The following HORMAD2 variants were observed in gnomAD, a reference collection of about 807,000 sequenced individuals.
HORMAD2 encodes the protein HORMA domain-containing protein 2.
In HORMAD2, 45 loss-of-function variants were observed where a neutral mutation model predicts 38.8. The ratio of observed to expected loss-of-function variants is 1.16; its 90% CI spans 0.91 to 1.49. The LOEUF (loss-of-function observed/expected upper bound fraction) is 1.49, where lower values mean the gene tolerates loss of function less well. Ranked by LOEUF, HORMAD2 falls within the 40% of genes most tolerant of loss-of-function variation. HORMAD2 has a pLI of 0.00. For synonymous variants in HORMAD2, 126 were observed against 122.8 expected (o/e 1.03, Z -0.17); for missense variants, 338 against 367.0 (o/e 0.92, Z 0.65).
chr22:30,103,419 G>A lies in HORMAD2; in HGVS notation c.194-18G>A, dbSNP rs747122577. 2.9e-5 allele frequency: 42 copies of A among 1,461,842 alleles called. No homozygotes were observed. Among genetic ancestry groups the A allele is most frequent in the Non-Finnish European group, 3.7e-5 (39 of 1,065,666 alleles). 90.6% of individuals were successfully genotyped at this position (1,461,842 alleles called of 1,614,324 possible). On this transcript the variant is annotated intron_variant, in intron 3 of 10. Transcript: ENST00000336726. ...GTCATTTAGTAGATAAAAATAGACT[G>A]TGTTTCTGTTTTTGTAGACCTCAGT...
At chr22:30,097,718 C>G (rs2068807739) in intron 2 of HORMAD2, among the ~76,000 whole-genome samples, 1 of 152,032 alleles carries the variant, frequency 6.6e-6, no homozygotes, top group Non-Finnish European at 1.5e-5. Context: ...TTCTGAAATC[C>G]CACTCTAAGG....
chr22:30,086,206 C>T (rs2068568833), intron 1 of HORMAD2, among the ~76,000 whole-genome samples: 1 of 152,172 alleles, frequency 6.6e-6, no homozygotes, highest in Non-Finnish European at 1.5e-5. Flanking sequence ...CCTTCCCCTT[C>T]TGCCATGGTT....
intron 10 of HORMAD2, chr22:30,137,176 G>T: frequency 1.8e-6 from 1 of 554,630 alleles, no homozygotes; most frequent in Non-Finnish European, 3.4e-6. Flanking sequence ...AAATTAATCA[G>T]GCATTTTTGC....
the HORMAD2 span, among the ~76,000 whole-genome samples, chr22:30,194,668 T>C: frequency 1.3e-5 from 2 of 151,976 alleles, no homozygotes. Context: ...GTAGAAGAGG[T>C]GATATATAAT....
At chr22:30,135,409 A>G (rs1001094146) in intron 10 of HORMAD2, among the ~76,000 whole-genome samples, 2 of 151,814 alleles carry the variant, frequency 1.3e-5, no homozygotes, top group Non-Finnish European at 2.9e-5. Flanking sequence ...AGAGAACCCA[A>G]GCAGAGCATG....
intron 10 of HORMAD2, among the ~76,000 whole-genome samples, chr22:30,138,505 A>G (rs1923827820): frequency 6.6e-6 from 1 of 152,022 alleles, no homozygotes; most frequent in South Asian, 2.1e-4. Flanking sequence ...TTGTCCTTTT[A>G]TTACTGAGGT....
At chr22:30,112,719 AT>A (rs2146111413) in intron 7 of HORMAD2, among the ~76,000 whole-genome samples, 197 bp downstream of exon 7, 1 of 152,202 alleles carries the variant, frequency 6.6e-6, no homozygotes, top group East Asian at 1.9e-4. Context: ...ATGTAAGGGT[AT>A]TGGGGAAAAA....
chr22:30,122,186 G>T lies in HORMAD2; in HGVS notation c.791G>T (p.Cys264Phe), dbSNP rs766750542. 1 of 1,612,498 alleles carries T rather than the reference G, an allele frequency of 6.2e-7. No homozygotes were observed. Among genetic ancestry groups the T allele is most frequent in the African/African-American group, 1.3e-5 (1 of 74,870 alleles). Residue 264 changes from cysteine (C) to phenylalanine (F), a missense_variant, in exon 10 of 11, where the codon TGT (cysteine) becomes TTT (phenylalanine). Transcript: ENST00000336726. ...GAGATCGCCCATCAGGGTCTAGACT[G>T]TGATGAGGAAGAAGAATGCAATGAC... The part of the protein sequence containing the change: ...TTEIAHQGLD[C>F]DEEEECNDHI...
the HORMAD2 span, among the ~76,000 whole-genome samples, chr22:30,204,188 C>T: frequency 6.6e-6 from 1 of 152,146 alleles, no homozygotes; most frequent in African/African-American, 2.4e-5. Flanking sequence ...TGGCACCCAG[C>T]TTGACAGACA....
intron 7 of HORMAD2, among the ~76,000 whole-genome samples, chr22:30,118,311 C>G (rs1922199471): frequency 6.6e-6 from 1 of 152,088 alleles, no homozygotes; most frequent in South Asian, 2.1e-4. Flanking sequence ...ACTTCAGAGC[C>G]TTTGCATTGC....
At chr22:30,192,030 A>G in the HORMAD2 span, 1 of 152,258 alleles carries the variant, frequency 6.6e-6, no homozygotes, top group Non-Finnish European at 1.5e-5. Context: ...AGAAGACCAC[A>G]TCATCTAGCC....
chr22:30,088,167 A>G (rs537414519), intron 1 of HORMAD2, among the ~76,000 whole-genome samples: 1 of 149,632 alleles, frequency 6.7e-6, no homozygotes, highest in Non-Finnish European at 1.5e-5. Context: ...ACGTATACCT[A>G]TGTATACATA....
chr22:30,093,978 G>A lies in HORMAD2; in HGVS notation c.26G>A (p.Cys9Tyr), dbSNP rs868383464. 5 of 1,607,598 alleles carry A rather than the reference G, an allele frequency of 3.1e-6. No individual in the cohort carries two copies. In the African/African-American group the frequency reaches 5.4e-5, roughly 17 times the overall value. Residue 9 changes from cysteine to tyrosine, a missense_variant, in exon 2 of 11, where the codon TGC becomes TAC. Coordinates refer to ENST00000336726, the MANE Select transcript of HORMAD2 (RefSeq NM_152510.4). The part of the protein sequence containing the change: MATAQLSH[C>Y]ITIHKASKET... ...ATGGCCACTGCTCAGCTTTCTCACT[G>A]CATCACAATACACAAGGCTTCTAAG...
At chr22:30,171,675 G>T (rs563577185) in intron 10 of HORMAD2, among the ~76,000 whole-genome samples, 1 of 152,158 alleles carries the variant, frequency 6.6e-6, no homozygotes, top group African/African-American at 2.4e-5. Flanking sequence ...CTATGTCAAG[G>T]CACTTGCTAG....
At chr22:30,080,805 A>C (rs2068457042) in intron 1 of HORMAD2, among the ~76,000 whole-genome samples, 1 of 152,132 alleles carries the variant, frequency 6.6e-6, no homozygotes, top group South Asian at 2.1e-4. Flanking sequence ...ATAATGAGCC[A>C]TGATGAGGCT....
intron 10 of HORMAD2, among the ~76,000 whole-genome samples, chr22:30,156,579 G>A (rs1925090903): frequency 6.6e-6 from 1 of 152,168 alleles, no homozygotes; most frequent in Non-Finnish European, 1.5e-5. Flanking sequence ...TTTTGAACAG[G>A]GTAGTTTCTG....
chr22:30,137,201 G>T, intron 10 of HORMAD2: 1 of 593,630 alleles, frequency 1.7e-6, no homozygotes, highest in Non-Finnish European at 3.2e-6. Context: ...AACATCTTCA[G>T]TATCAGCTTG....
chr22:30,103,565 A>G (rs1187441715), intron 4 of HORMAD2, 65 bp downstream of exon 4: 2 of 760,350 alleles, frequency 2.6e-6, no homozygotes, highest in Non-Finnish European at 4.4e-6. Flanking sequence ...AATTACCCAT[A>G]AGACTTTATT....
chr22:30,179,687 C>A (rs1054976911), downstream of HORMAD2, among the ~76,000 whole-genome samples: 2 of 152,124 alleles, frequency 1.3e-5, no homozygotes, highest in African/African-American at 4.8e-5. Flanking sequence ...TCACAGGTAC[C>A]ACTGGCTATG....
Sources: gnomAD v4.1 joint callset for allele counts (sites outside exome capture counted in the v4.1 genomes callset) on GRCh38, gnomAD v4.1.1 for gene constraint, MANE v1.5 for transcripts, NCBI Gene and HGNC (gene_info 2026-07-23, HGNC 2026-07-21) for gene names.